EPHA6: variants seen among roughly 807,000 people sequenced by gnomAD.
EPHA6 encodes EPH receptor A6.
EPHA6 carries 50 observed loss-of-function variants against 112.0 expected under a neutral mutation model. The ratio of observed to expected loss-of-function variants is 0.45; its 90% CI spans 0.36 to 0.56. EPHA6 has a LOEUF of 0.56. EPHA6 is among the 20% of genes least tolerant of loss of function. The probability of loss-of-function intolerance (pLI) is 0.00; values close to 1 mark genes in which losing one functional copy is unlikely to be tolerated. For synonymous variants in EPHA6, 529 were observed against 490.7 expected (o/e 1.08, Z -1.03); for missense variants, 1,280 against 1,417.4 (o/e 0.90, Z 1.56).
intron 5 of EPHA6, among the ~76,000 whole-genome samples, chr3:97,381,280 G>C (rs1364828380): frequency 6.6e-6 from 1 of 151,888 alleles, no homozygotes; most frequent in East Asian, 1.9e-4. Context: ...AGAATTAATA[G>C]CCTATTTATT....
chr3:97,658,355 T>C (rs1203949630), intron 14 of EPHA6, among the ~76,000 whole-genome samples: 1 of 151,874 alleles, frequency 6.6e-6, no homozygotes, highest in Admixed American at 6.6e-5. Flanking sequence ...TAAAAATGTA[T>C]GTCCCTTCCA....
At chr3:97,453,951 C>G (rs1429616347) in intron 7 of EPHA6, among the ~76,000 whole-genome samples, 1 of 151,664 alleles carries the variant, frequency 6.6e-6, no homozygotes, top group East Asian at 1.9e-4. Flanking sequence ...ATGTGAATTT[C>G]TCAGCAAGAT....
intron 12 of EPHA6, among the ~76,000 whole-genome samples, chr3:97,597,138 A>G (rs2093601519): frequency 6.6e-6 from 1 of 151,940 alleles, no homozygotes; most frequent in African/African-American, 2.4e-5. Flanking sequence ...TCAGTGTTGA[A>G]TATCTCCCTA....
At chr3:97,603,120 A>G (rs2093655343) in intron 12 of EPHA6, among the ~76,000 whole-genome samples, 1 of 152,040 alleles carries the variant, frequency 6.6e-6, no homozygotes, top group Non-Finnish European at 1.5e-5. Flanking sequence ...AAATTTTTCA[A>G]TATGGTTAGT....
Position 97,592,603 on chromosome 3 carries a change from T to C in EPHA6, c.2387-9T>C, listed in dbSNP as rs2093555093. The stretch of plus-strand genomic sequence containing the variant: ...ACTTTGATTAATGTCAATTTTTATC[T>C]CTTAAAAGGATCCTTCCCGGCCATT... On this transcript the variant is annotated splice_polypyrimidine_tract_variant and intron_variant, in intron 11 of 17. Transcript: ENST00000389672. 1 of 1,613,098 alleles carries C rather than the reference T, an allele frequency of 6.2e-7. No homozygotes were observed. The highest frequency in any genetic ancestry group is 8.5e-7 in the Non-Finnish European group (1 of 1,179,492).
chr3:96,843,861 C>A (rs1290490848), intron 1 of EPHA6, among the ~76,000 whole-genome samples: 1 of 151,762 alleles, frequency 6.6e-6, no homozygotes, highest in Non-Finnish European at 1.5e-5. Flanking sequence ...TTAACTCTCC[C>A]CTTCTCTAAC....
chr3:97,415,886 G>A (rs187589692), intron 6 of EPHA6, among the ~76,000 whole-genome samples: 10 of 152,102 alleles, frequency 6.6e-5, no homozygotes, highest in South Asian at 2.1e-4. Context: ...TTAGTCAATC[G>A]TCTTTTAAAA....
chr3:97,656,929 A>G (rs2094140935), intron 14 of EPHA6, among the ~76,000 whole-genome samples: 1 of 151,976 alleles, frequency 6.6e-6, no homozygotes, highest in South Asian at 2.1e-4. Flanking sequence ...TATGAAACAT[A>G]CACATTACTC....
intron 5 of EPHA6, among the ~76,000 whole-genome samples, chr3:97,286,359 T>C (rs2108675970): frequency 6.6e-6 from 1 of 152,350 alleles, no homozygotes; most frequent in South Asian, 2.1e-4. Context: ...CTAGTATTTG[T>C]ATATTTTCAA....
chr3:97,546,853 A>C (rs9833009), intron 11 of EPHA6, among the ~76,000 whole-genome samples: 1 of 151,962 alleles, frequency 6.6e-6, no homozygotes, highest in Non-Finnish European at 1.5e-5. Context: ...CCAGTTGATC[A>C]CAGCGGCTAC....
At chr3:97,657,754 A>G (rs2094145603) in intron 14 of EPHA6, among the ~76,000 whole-genome samples, 1 of 151,772 alleles carries the variant, frequency 6.6e-6, no homozygotes, top group Admixed American at 6.6e-5. Context: ...AAAAATGCAG[A>G]TTTCCAGTTT....
chr3:97,041,499 C>T (rs1261626100), intron 3 of EPHA6, among the ~76,000 whole-genome samples: 1 of 152,044 alleles, frequency 6.6e-6, no homozygotes, highest in Non-Finnish European at 1.5e-5. Flanking sequence ...GAAAGGGTGT[C>T]CTTTCTATGA....
intron 6 of EPHA6, among the ~76,000 whole-genome samples, chr3:97,438,845 C>T (rs2089989385): frequency 6.6e-6 from 1 of 152,114 alleles, no homozygotes; most frequent in Non-Finnish European, 1.5e-5. Context: ...AAGCTTGACC[C>T]TTTGATATAG....
At chr3:96,886,320 G>A (rs542876567) in intron 2 of EPHA6, among the ~76,000 whole-genome samples, 129 of 152,234 alleles carry the variant, frequency 8.5e-4, no homozygotes, top group African/African-American at 3.0e-3. Context: ...TCATTTCTTA[G>A]GTCTATGAGT....
chr3:97,168,966 T>C (rs1268724254), intron 3 of EPHA6, among the ~76,000 whole-genome samples: 2 of 152,156 alleles, frequency 1.3e-5, no homozygotes, highest in Non-Finnish European at 2.9e-5. Context: ...TAGAGAGTTA[T>C]TTATAGCAGT....
At chr3:97,482,436 A>G (rs565858970) in intron 9 of EPHA6, among the ~76,000 whole-genome samples, 2 of 152,352 alleles carry the variant, frequency 1.3e-5, no homozygotes, top group East Asian at 1.9e-4. Context: ...ATTTTCTTCA[A>G]TGGATGCTTT....
intron 4 of EPHA6, among the ~76,000 whole-genome samples, chr3:97,241,754 TG>T (rs2078852204): frequency 1.5e-5 from 2 of 136,444 alleles, no homozygotes; most frequent in African/African-American, 3.3e-5. Context: ...TCAGCCTTCT[TG>T]TTTTTTTTTT....
intron 2 of EPHA6, among the ~76,000 whole-genome samples, chr3:96,980,468 T>C (rs1255130858): frequency 6.6e-6 from 1 of 152,220 alleles, no homozygotes; most frequent in Non-Finnish European, 1.5e-5. Context: ...TGTAGTATAG[T>C]TTGAAGTCAG....
intron 3 of EPHA6, among the ~76,000 whole-genome samples, chr3:97,051,325 G>A (rs572244028): frequency 3.3e-5 from 5 of 152,208 alleles, no homozygotes; most frequent in East Asian, 1.9e-4. Flanking sequence ...AATCTCCTCC[G>A]TAAGGAGATA....
Sources: allele counts gnomAD v4.1 joint callset (sites outside exome capture counted in the v4.1 genomes callset), GRCh38; gene constraint gnomAD v4.1.1; transcripts MANE v1.5; gene names NCBI Gene and HGNC (gene_info 2026-07-23, HGNC 2026-07-21).